RMND5A: variants seen among roughly 807,000 people sequenced by gnomAD.
RMND5A encodes the protein required for meiotic nuclear division 5 homolog A, also known as E3 ubiquitin-protein transferase RMND5A.
A neutral mutation model predicts 49.7 loss-of-function variants in RMND5A; 17 were observed. The observed-to-expected ratio is 0.34, with a 90% CI of 0.23 to 0.51. The LOEUF is 0.51. Ranked by LOEUF, RMND5A falls within the 20% of genes least tolerant of loss-of-function variation. The pLI is 0.96. For synonymous variants in RMND5A, 156 were observed against 167.7 expected, an observed-to-expected ratio of 0.93 and a Z score of 0.54; for missense variants, 255 against 471.3, an observed-to-expected ratio of 0.54 and a Z score of 4.25.
chr2:86,754,372 G>A (rs754954240), intron 4 of RMND5A, among the ~76,000 whole-genome samples: 49 of 152,330 alleles, frequency 3.2e-4, no homozygotes, highest in South Asian at 1.9e-3. Context: ...GAAGAAACTG[G>A]ATTATAGAAG....
intron 4 of RMND5A, among the ~76,000 whole-genome samples, chr2:86,754,244 T>TGA (rs1411697617): frequency 6.6e-6 from 1 of 152,250 alleles, no homozygotes; most frequent in Non-Finnish European, 1.5e-5. Flanking sequence ...CCATCTGCTA[T>TGA]ACAAAACAGG....
At chr2:86,721,232 A>T (rs1231612547) in intron 1 of RMND5A, 1 of 182,114 alleles carries the variant, frequency 5.5e-6, no homozygotes, top group Non-Finnish European at 1.1e-5. Context: ...GTTCTGAGTG[A>T]TGAGGGCAGT....
chr2:86,753,527 T>C lies in RMND5A; in HGVS notation c.490T>C (p.Leu164=). 1 of 1,610,934 alleles carries C rather than the reference T, an allele frequency of 6.2e-7. No individual in the cohort carries two copies. Among genetic ancestry groups the C allele is most frequent in the Non-Finnish European group, 8.5e-7 (1 of 1,177,484 alleles). The change falls in exon 4 of 9, where the codon TTA becomes CTA. Residue 164 remains leucine (L), a synonymous_variant. Transcript: ENST00000283632. The part of the protein sequence containing the change: ...FVELNRILEA[L]KVRVLRPALE... ...GGAGTTAAATAGAATATTAGAGGCA[T>C]TAAAGGTCAGAGTTCTGAGACCTGC...
rs189221271 is a variant in RMND5A at position 86,771,389 on chromosome 2, C to T, written c.958-169C>T. On this transcript the variant is annotated intron_variant, in intron 7 of 8. Transcript: ENST00000283632. The stretch of plus-strand genomic sequence containing the variant: ...AAAATAATCTTGAAGGCTAATTTAA[C>T]ACTTTGAATCACTAAGACTGTCCAT... The T allele has an allele frequency of 5.1e-5, 26 of 505,714 alleles. No homozygotes were observed. The Admixed American group carries it at 8.4e-4, about 16-fold the overall frequency. The allele number at this position is 505,714 out of a possible 1,614,324, so 31.3% of individuals were successfully genotyped here. A position where few individuals can be genotyped will look rare whatever the true frequency, so the allele number is the denominator to read the frequency against.
chr2:86,771,442 T>C (rs1672683511), intron 7 of RMND5A, 116 bp from the exon 8 acceptor site: 3 of 829,528 alleles, frequency 3.6e-6, no homozygotes, highest in Non-Finnish European at 5.4e-6. Flanking sequence ...TATAGAAAGT[T>C]ACATTCAGGT....
At position 86,775,658 on chromosome 2, in the gene RMND5A, G is replaced by A. The variant is rs901308901; in HGVS notation, c.*2247G>A. 6.6e-6 allele frequency: 1 copy of A among 152,158 alleles called. No individual in the cohort carries two copies. The allele number at this position is 152,158 out of a possible 1,614,324, so 9.4% of individuals were successfully genotyped here. A position where few individuals can be genotyped will look rare whatever the true frequency, so the allele number is the denominator to read the frequency against. ...AGCATTGGACTCTGCAGCTTTCTGT[G>A]TAAGGCCCGTGTACTCCCACTGGGC... On this transcript the variant is annotated 3_prime_UTR_variant, in exon 9 of 9. Coordinates refer to ENST00000283632, the MANE Select transcript of RMND5A (RefSeq NM_022780.4).
Position 86,773,492 on chromosome 2 carries a change from C to G in RMND5A, c.*81C>G, listed in dbSNP as rs182538967. 1 of 896,484 alleles carries G rather than the reference C, an allele frequency of 1.1e-6. No homozygotes were observed. The highest frequency in any genetic ancestry group is 1.6e-5 in the African/African-American group (1 of 61,000). The allele number at this position is 896,484 out of a possible 1,614,324, so 55.5% of individuals were successfully genotyped here. A position where few individuals can be genotyped will look rare whatever the true frequency, so the allele number is the denominator to read the frequency against. On this transcript the variant is annotated 3_prime_UTR_variant, in exon 9 of 9. Transcript: ENST00000283632. The stretch of plus-strand genomic sequence containing the variant: ...GAAGAGAACGTTCCATATAATGCAG[C>G]TAACCAAGGACTCCTGTGTTTCTAT...
At chr2:86,769,403 T>A (rs1406600748) in intron 6 of RMND5A, among the ~76,000 whole-genome samples, 1 of 152,244 alleles carries the variant, frequency 6.6e-6, no homozygotes, top group Non-Finnish European at 1.5e-5. Context: ...AAAATAAGTC[T>A]GGTGGTATAT....
chr2:86,721,009 A>T (rs1681202660), intron 1 of RMND5A, 200 bp downstream of exon 1: 1 of 480,402 alleles, frequency 2.1e-6, no homozygotes, highest in East Asian at 3.8e-5. Flanking sequence ...CTCGCTGCCA[A>T]TTCAGAAGGA....
intron 1 of RMND5A, among the ~76,000 whole-genome samples, chr2:86,721,578 A>G (rs1344027767): frequency 3.3e-5 from 5 of 150,992 alleles, no homozygotes; most frequent in Admixed American, 2.0e-4. Context: ...AAAAAAATAA[A>G]TTTTCCTATA....
intron 2 of RMND5A, chr2:86,748,420 G>T (rs1681576282): frequency 6.6e-6 from 1 of 152,172 alleles, no homozygotes; most frequent in African/African-American, 2.4e-5. Context: ...ACAATCGAAT[G>T]CATTGCTTAT....
chr2:86,729,951 G>A (rs1212596749), intron 1 of RMND5A, among the ~76,000 whole-genome samples: 1 of 66,166 alleles, frequency 1.5e-5, no homozygotes, highest in African/African-American at 6.6e-5. Context: ...TTGACTAGAG[G>A]CAAGAACGTT....
Position 86,771,645 on chromosome 2 carries a change from C to A in RMND5A, c.1045C>A (p.Pro349Thr), listed in dbSNP as rs1245729766. ...LRQQTTDNNP[P>T]MKLVCGHIIS... ...TCAGCAAACAACAGATAACAATCCA[C>A]CCATGAAATTGGTCTGTGGTCATAT... Residue 349 changes from proline (P) to threonine (T), a missense_variant, in exon 8 of 9, where the codon CCC (proline) becomes ACC (threonine). Around this residue, in one of 3 missense-constraint regions of RMND5A, gnomAD observed 208 missense variants for 339.8 expected, o/e 0.61. Coordinates refer to ENST00000283632, the MANE Select transcript of RMND5A (RefSeq NM_022780.4). 1 of 1,613,400 alleles carries A rather than the reference C, an allele frequency of 6.2e-7. No homozygotes were observed. Among genetic ancestry groups the A allele is most frequent in the Non-Finnish European group, 8.5e-7 (1 of 1,179,664 alleles).
chr2:86,776,758 G>A lies in RMND5A; in HGVS notation c.*3347G>A, dbSNP rs1672777800. 1 of 152,232 alleles carries A rather than the reference G, an allele frequency of 6.6e-6. No individual in the cohort carries two copies. Among genetic ancestry groups the A allele is most frequent in the Non-Finnish European group, 1.5e-5 (1 of 68,042 alleles). The allele number at this position is 152,232 out of a possible 1,614,324, so 9.4% of individuals were successfully genotyped here. ...CTCAGGTTATTTTCAGGGAAGGCAT[G>A]GAGGCATAGTTTGGTTAGTTTCATC... On this transcript the variant is annotated 3_prime_UTR_variant, in exon 9 of 9. Coordinates refer to ENST00000283632, the MANE Select transcript of RMND5A (RefSeq NM_022780.4).
Position 86,773,376 on chromosome 2 carries a change from C to G in RMND5A, c.1141C>G (p.Gln381Glu). 1 of 1,608,868 alleles carries G rather than the reference C, an allele frequency of 6.2e-7. No individual in the cohort carries two copies. Among genetic ancestry groups the G allele is most frequent in the South Asian group, 1.1e-5 (1 of 90,910 alleles). Reference protein sequence around the residue: ...KLKCPYCPMEQSPGDAKQIFF With the variant: ...KLKCPYCPMEESPGDAKQIFF ...AAAATGTCCCTACTGTCCAATGGAACAAAGTCCAGGAGATGCCAAACAGAT... is the reference window on the plus strand; with the variant it reads ...AAAATGTCCCTACTGTCCAATGGAAGAAAGTCCAGGAGATGCCAAACAGAT... The change falls in exon 9 of 9, where the codon CAA becomes GAA. Residue 381 changes from glutamine (Q) to glutamate (E), a missense_variant. This residue lies in a region of RMND5A where 208 missense variants were observed against 339.8 expected (regional missense o/e 0.61). Coordinates refer to ENST00000283632, the MANE Select transcript of RMND5A (RefSeq NM_022780.4).
rs756419303 is a variant in RMND5A, at chr2:86,771,572, T to C, written c.972T>C (p.Leu324=). 1.9e-6 allele frequency: 3 copies of C among 1,605,104 alleles called. No individual in the cohort carries two copies. Among genetic ancestry groups the C allele is most frequent in the East Asian group, 2.2e-5 (1 of 44,776 alleles). ...TTTTTTAACAGATTGAAGTGGACCTTGGTAAAAAGTGCTGGTATCACTCTA... is the reference window on the plus strand; with the variant it reads ...TTTTTTAACAGATTGAAGTGGACCTCGGTAAAAAGTGCTGGTATCACTCTA... The part of the protein sequence containing the change: ...QKDELPIEVD[L]GKKCWYHSIF... The change falls in exon 8 of 9, where the codon CTT becomes CTC. Residue 324 remains leucine (L), a synonymous_variant. Coordinates refer to ENST00000283632, the MANE Select transcript of RMND5A (RefSeq NM_022780.4).
Position 86,777,176 on chromosome 2 carries a change from C to T in RMND5A, c.*3765C>T, listed in dbSNP as rs1472165100. The T allele has an allele frequency of 6.6e-6, 1 of 152,180 alleles. No individual in the cohort carries two copies. The highest frequency in any genetic ancestry group is 3.2e-3 in the Middle Eastern group (1 of 316). The allele number at this position is 152,180 out of a possible 1,614,324, so 9.4% of individuals were successfully genotyped here. A position where few individuals can be genotyped will look rare whatever the true frequency, so the allele number is the denominator to read the frequency against. Reference sequence around the variant, plus strand: ...CACTGCAGTTTCAAGCTGTAGTGGGCATATGCTTCATTTACTTCCAAAGAG... The same window carrying T: ...CACTGCAGTTTCAAGCTGTAGTGGGTATATGCTTCATTTACTTCCAAAGAG... On this transcript the variant is annotated 3_prime_UTR_variant, in exon 9 of 9. Coordinates refer to ENST00000283632, the MANE Select transcript of RMND5A (RefSeq NM_022780.4).
rs761567921 is a variant in RMND5A at position 86,750,876 on chromosome 2, A to G, written c.286-1020A>G. Among the ~76,000 whole-genome samples the G allele has an allele frequency of 4.1e-4, 62 of 151,854 alleles. No individual in the cohort carries two copies. In the Middle Eastern group the frequency reaches 0.01, roughly 25 times the overall value. The stretch of plus-strand genomic sequence containing the variant: ...CTTCTGCTGTTGAAAAATTCATCCA[A>G]TGAATTTTTTATTTTGGTTACTCTA... On this transcript the variant is annotated intron_variant, in intron 2 of 8. Coordinates refer to ENST00000283632, the MANE Select transcript of RMND5A (RefSeq NM_022780.4).
At chr2:86,750,565 A>G (rs1382611957) in intron 2 of RMND5A, among the ~76,000 whole-genome samples, 3 of 152,132 alleles carry the variant, frequency 2.0e-5, no homozygotes, top group Non-Finnish European at 2.9e-5. Flanking sequence ...AACAGTTTGA[A>G]TGTGAGATGT....
Sources: allele counts gnomAD v4.1 joint callset (sites outside exome capture counted in the v4.1 genomes callset), GRCh38; gene constraint gnomAD v4.1.1; regional missense constraint gnomAD v4.1.1; transcripts MANE v1.5; gene names NCBI Gene and HGNC (gene_info 2026-07-23, HGNC 2026-07-21).